Variants in HDGFL2 observed in about 807,000 individuals in gnomAD.
HDGFL2 encodes the protein hepatoma-derived growth factor-related protein 2.
HDGFL2 carries 36 observed loss-of-function variants against 77.1 expected under a neutral mutation model. The observed-to-expected ratio is 0.47, with a 90% CI of 0.36 to 0.62. The LOEUF (loss-of-function observed/expected upper bound fraction) is 0.62. Among genes scored for constraint, HDGFL2 ranks in the 20% least tolerant of loss-of-function variants. The pLI, the probability that HDGFL2 is intolerant of heterozygous loss-of-function variation, is 0.00. For synonymous variants in HDGFL2, 463 were observed against 413.1 expected (o/e 1.12, Z -1.46); for missense variants, 976 against 973.4 (o/e 1.00, Z -0.04).
intron 3 of HDGFL2, among the ~76,000 whole-genome samples, chr19:4,480,944 C>T (rs1327071999): frequency 4.6e-5 from 7 of 151,688 alleles, no homozygotes; most frequent in Non-Finnish European, 8.8e-5. Context: ...GCAACCTCCA[C>T]CTCCCGGGTT....
intron 9 of HDGFL2, 114 bp from the exon 10 acceptor site, chr19:4,496,188 A>T: frequency 1.2e-6 from 1 of 820,156 alleles, no homozygotes; most frequent in Non-Finnish European, 2.0e-6. Context: ...ACCTTCAAAC[A>T]GTGTGGAGGG....
chr19:4,482,566 G>A (rs1338876581), intron 3 of HDGFL2, among the ~76,000 whole-genome samples: 1 of 152,040 alleles, frequency 6.6e-6, no homozygotes, highest in African/African-American at 2.4e-5. Flanking sequence ...TTGAATTCCT[G>A]GGCTCAAGTG....
In HDGFL2 at chr19:4,488,819, A is replaced by T; in HGVS notation, c.432A>T (p.Ser144=). The change falls in exon 4 of 16, where the codon TCA becomes TCT. Residue 144 remains serine, a synonymous_variant. Coordinates refer to ENST00000616600, the MANE Select transcript of HDGFL2 (RefSeq NM_001001520.3). ...CCAGCGACAGGATGGAGAGCGACTC[A>T]GACTCAGACAAGAGTAGCGACAACA... ...TAASDRMESD[S]DSDKSSDNSG... 1 of 1,551,722 alleles carries T rather than the reference A, an allele frequency of 6.4e-7. No individual in the cohort carries two copies. The highest frequency in any genetic ancestry group is 8.7e-7 in the Non-Finnish European group (1 of 1,147,078).
chr19:4,496,934 C>T (rs1293923141), intron 10 of HDGFL2: 2 of 395,610 alleles, frequency 5.1e-6, no homozygotes, highest in East Asian at 7.4e-5. Context: ...AGTGCAATGG[C>T]GTGATCTCAG....
rs1277129767 is a variant in HDGFL2 at position 4,497,832 on chromosome 19, G to C, written c.1329-126G>C. 3 of 831,922 alleles carry C rather than the reference G, an allele frequency of 3.6e-6. No individual in the cohort carries two copies. The Admixed American group carries it at 7.8e-5, about 22-fold the overall frequency. The allele number at this position is 831,922 out of a possible 1,614,324, so 51.5% of individuals were successfully genotyped here. A position where few individuals can be genotyped will look rare whatever the true frequency, so the allele number is the denominator to read the frequency against. On this transcript the variant is annotated intron_variant, in intron 10 of 15. Transcript: ENST00000616600. Reference sequence around the variant, plus strand: ...GGGCCTCCCCGCCTCCCGTTTCCCGGCTTAGCTCCCAGGGCCTCCCAAAGG... The same window carrying C: ...GGGCCTCCCCGCCTCCCGTTTCCCGCCTTAGCTCCCAGGGCCTCCCAAAGG...
chr19:4,490,223 G>C (rs1248921460), intron 4 of HDGFL2, among the ~76,000 whole-genome samples: 4 of 152,154 alleles, frequency 2.6e-5, no homozygotes, highest in Non-Finnish European at 4.4e-5. Flanking sequence ...GAGTAACTGG[G>C]ATTACAGGGG....
At chr19:4,481,710 G>T (rs1305933434) in intron 3 of HDGFL2, among the ~76,000 whole-genome samples, 1 of 151,938 alleles carries the variant, frequency 6.6e-6, no homozygotes, top group Non-Finnish European at 1.5e-5. Context: ...TCCTTCCTTG[G>T]CCTCCCAAAG....
At chr19:4,473,725 G>A (rs1281461610) in intron 1 of HDGFL2, among the ~76,000 whole-genome samples, 3 of 151,682 alleles carry the variant, frequency 2.0e-5, no homozygotes, top group Admixed American at 6.6e-5. Flanking sequence ...CTCTGTTCAC[G>A]GGGTCACTGG....
intron 3 of HDGFL2, among the ~76,000 whole-genome samples, chr19:4,485,316 C>G (rs1975332277): frequency 1.3e-5 from 2 of 152,204 alleles, no homozygotes; most frequent in South Asian, 4.1e-4. Context: ...CAAGGTTCAT[C>G]CATGCTGTGG....
chr19:4,496,313 A>G lies in HDGFL2; in HGVS notation c.1236A>G (p.Ser412=), dbSNP rs1359322255. 2 of 1,614,110 alleles carry G rather than the reference A, an allele frequency of 1.2e-6. No individual in the cohort carries two copies. Among genetic ancestry groups the G allele is most frequent in the Admixed American group, 1.7e-5 (1 of 60,026 alleles). Residue 412 remains serine, a synonymous_variant, in exon 10 of 16, where the codon TCA becomes TCG. Coordinates refer to ENST00000616600, the MANE Select transcript of HDGFL2 (RefSeq NM_001001520.3). Reference sequence around the variant, plus strand: ...CCTGACTGCTATAGGCCAAGAAATCAGCGAAGAAGCCGCAGTCCTCAAGCA... The same window carrying G: ...CCTGACTGCTATAGGCCAAGAAATCGGCGAAGAAGCCGCAGTCCTCAAGCA... ...EAELEREAKK[S]AKKPQSSSTE...
intron 4 of HDGFL2, among the ~76,000 whole-genome samples, chr19:4,490,523 C>T (rs1975479674): frequency 6.6e-6 from 1 of 152,190 alleles, no homozygotes; most frequent in Non-Finnish European, 1.5e-5. Context: ...CGTTTCTGTA[C>T]AGAGTTTTGT....
intron 3 of HDGFL2, among the ~76,000 whole-genome samples, chr19:4,477,232 C>T (rs1332914327): frequency 3.3e-5 from 5 of 152,156 alleles, no homozygotes; most frequent in South Asian, 2.1e-4. Flanking sequence ...GCACACGTGC[C>T]GCACTGGGGA....
intron 1 of HDGFL2, among the ~76,000 whole-genome samples, chr19:4,474,612 C>A (rs1408657621): frequency 1.3e-5 from 2 of 152,030 alleles, no homozygotes; most frequent in African/African-American, 4.8e-5. Context: ...TTGGGGGAGA[C>A]CAGAGCAATG....
chr19:4,496,694 G>A (rs1278166081), intron 10 of HDGFL2, among the ~76,000 whole-genome samples: 5 of 152,166 alleles, frequency 3.3e-5, no homozygotes, highest in Admixed American at 1.3e-4. Context: ...GGCATGGAGC[G>A]GGTGGAGGCT....
chr19:4,486,052 C>CA (rs548919228), intron 3 of HDGFL2, among the ~76,000 whole-genome samples: 11,652 of 74,736 alleles, frequency 0.16, 688 homozygotes, highest in South Asian at 0.25. Flanking sequence ...GACCCCGTCT[C>CA]AAAAAAAAAA....
intron 3 of HDGFL2, among the ~76,000 whole-genome samples, chr19:4,482,231 A>G (rs1975239991): frequency 1.4e-5 from 2 of 146,370 alleles, no homozygotes; most frequent in African/African-American, 5.1e-5. Context: ...TTTTTTTGAG[A>G]TGGAGTCTCG....
intron 3 of HDGFL2, among the ~76,000 whole-genome samples, chr19:4,477,363 G>T (rs774969894): frequency 1.4e-4 from 21 of 152,168 alleles, no homozygotes; most frequent in Non-Finnish European, 2.5e-4. Flanking sequence ...TTCTCAGGGG[G>T]CCGGGGCCCA....
At chr19:4,479,831 G>A (rs1211191126) in intron 3 of HDGFL2, among the ~76,000 whole-genome samples, 3 of 151,122 alleles carry the variant, frequency 2.0e-5, no homozygotes, top group South Asian at 2.1e-4. Context: ...TCTTGAACCC[G>A]GGAGGCGGAA....
rs139467623 is a variant in HDGFL2 at position 4,499,088 on chromosome 19, C to T, written c.1575+173C>T. On this transcript the variant is annotated intron_variant, in intron 13 of 15. Transcript: ENST00000616600. Reference sequence around the variant, plus strand: ...GCTTGCCAGGAGTGGTGGCTCACGCCTGTAATCCCAGCACTTTGGGAGGCT... The same window carrying T: ...GCTTGCCAGGAGTGGTGGCTCACGCTTGTAATCCCAGCACTTTGGGAGGCT... Among the ~76,000 whole-genome samples the T allele has an allele frequency of 2.4e-3, 359 of 152,304 alleles. 1 individual carries two copies. Among genetic ancestry groups the T allele is most frequent in the African/African-American group, 7.9e-3 (330 of 41,560 alleles).
Sources: gnomAD v4.1 joint callset for allele counts (sites outside exome capture counted in the v4.1 genomes callset) on GRCh38, gnomAD v4.1.1 for gene constraint, MANE v1.5 for transcripts, NCBI Gene and HGNC (gene_info 2026-07-23, HGNC 2026-07-21) for gene names.